ADAM18: variants seen among roughly 807,000 people sequenced by gnomAD.
The protein encoded by ADAM18 is disintegrin and metalloproteinase domain-containing protein 18.
A neutral mutation model predicts 94.4 loss-of-function variants in ADAM18; 117 were observed. That is an observed-to-expected ratio of 1.24 (90% CI 1.07 to 1.45). The LOEUF (loss-of-function observed/expected upper bound fraction) is 1.45, where lower values mean the gene tolerates loss of function less well. ADAM18 is among the 40% of genes most tolerant of loss of function. ADAM18 has a pLI of 0.00. For missense variants in ADAM18, 936 were observed against 880.0 expected (o/e 1.06, Z -0.81); for synonymous variants, 327 against 291.6 (o/e 1.12, Z -1.24).
At chr8:39,726,640 G>C (rs751486850) in intron 19 of ADAM18, among the ~76,000 whole-genome samples, 1 of 152,118 alleles carries the variant, frequency 6.6e-6, no homozygotes, top group Non-Finnish European at 1.5e-5. Flanking sequence ...CAATGGCAAG[G>C]AGCTTTCTCT....
intron 2 of ADAM18, among the ~76,000 whole-genome samples, chr8:39,594,202 T>C (rs749304219): frequency 1.3e-5 from 2 of 152,178 alleles, no homozygotes; most frequent in African/African-American, 4.8e-5. Flanking sequence ...CCTACTGTCA[T>C]CATTTCACCA....
chr8:39,603,456 T>C (rs952195985), intron 2 of ADAM18, among the ~76,000 whole-genome samples: 6 of 152,352 alleles, frequency 3.9e-5, no homozygotes, highest in African/African-American at 1.4e-4. Context: ...GTGCTCGTTT[T>C]GTATCTGTTT....
At chr8:39,584,763 AC>A in intron 1 of ADAM18, 86 bp downstream of exon 1, 1 of 1,470,796 alleles carries the variant, frequency 6.8e-7, no homozygotes, top group South Asian at 1.1e-5. Context: ...TCATTCTGGG[AC>A]CCTCCCCCTC....
At chr8:39,587,782 G>C (rs1309375164) in intron 2 of ADAM18, among the ~76,000 whole-genome samples, 1 of 152,082 alleles carries the variant, frequency 6.6e-6, no homozygotes, top group East Asian at 1.9e-4. Flanking sequence ...TAAGTAAGTG[G>C]AATCATATAG....
intron 17 of ADAM18, among the ~76,000 whole-genome samples, chr8:39,702,041 T>C (rs1822095398): frequency 6.6e-6 from 1 of 152,102 alleles, no homozygotes; most frequent in Non-Finnish European, 1.5e-5. Flanking sequence ...ATTTCTGTCT[T>C]TGGGTCTTTG....
intron 18 of ADAM18, among the ~76,000 whole-genome samples, chr8:39,709,473 C>G (rs189400785): frequency 1.3e-5 from 2 of 152,176 alleles, no homozygotes; most frequent in Non-Finnish European, 1.5e-5. Flanking sequence ...TATTAGTTCT[C>G]ACTTTGGGCT....
intron 11 of ADAM18, among the ~76,000 whole-genome samples, chr8:39,646,728 T>C (rs1462238783): frequency 6.6e-6 from 1 of 152,168 alleles, no homozygotes; most frequent in Non-Finnish European, 1.5e-5. Context: ...CTCCTAGATA[T>C]ACTAGTGGAA....
At chr8:39,605,580 G>C (rs1010782600) in intron 2 of ADAM18, 1 of 159,600 alleles carries the variant, frequency 6.3e-6, no homozygotes, top group South Asian at 1.7e-4. Flanking sequence ...TGTGCCTGCA[G>C]CCATGTCTAA....
chr8:39,592,935 C>T (rs895817256), intron 2 of ADAM18, among the ~76,000 whole-genome samples: 5 of 152,192 alleles, frequency 3.3e-5, no homozygotes, highest in African/African-American at 4.8e-5. Context: ...TTTATCTACA[C>T]TGAAAATCTG....
chr8:39,612,299 G>A (rs1188423761), intron 6 of ADAM18, among the ~76,000 whole-genome samples: 1 of 152,144 alleles, frequency 6.6e-6, no homozygotes, highest in Non-Finnish European at 1.5e-5. Flanking sequence ...TGTGCTGAAT[G>A]GGGAGGAAGC....
Position 39,631,862 on chromosome 8 carries a change from T to C in ADAM18, c.588+2423T>C, listed in dbSNP as rs183515590. On this transcript the variant is annotated intron_variant, in intron 7 of 19. Transcript: ENST00000265707. ...GTTAATTCCTTTCGTCAGTGTTCTA[T>C]GGTGTTCTTGAACATCTTTGTTAGT... 5.4e-4 allele frequency among the ~76,000 whole-genome samples: 82 copies of C among 152,132 alleles called. 1 individual carries two copies. The highest frequency in any genetic ancestry group is 5.3e-3 in the Admixed American group (81 of 15,266).
At chr8:39,704,915 C>T (rs943758757) in intron 17 of ADAM18, among the ~76,000 whole-genome samples, 1 of 151,622 alleles carries the variant, frequency 6.6e-6, no homozygotes, top group Non-Finnish European at 1.5e-5. Context: ...TGTCCTTGTA[C>T]TTTCATTGGA....
At chr8:39,600,342 A>G (rs1362719129) in intron 2 of ADAM18, among the ~76,000 whole-genome samples, 3 of 152,180 alleles carry the variant, frequency 2.0e-5, no homozygotes, top group African/African-American at 7.2e-5. Flanking sequence ...AAACTTGAGA[A>G]GTTGTCTAGA....
At chr8:39,623,390 C>A (rs1411315195) in intron 6 of ADAM18, among the ~76,000 whole-genome samples, 1 of 152,014 alleles carries the variant, frequency 6.6e-6, no homozygotes, top group Non-Finnish European at 1.5e-5. Flanking sequence ...ACTTTTACTT[C>A]TTTGAGAAAT....
At chr8:39,605,674 TA>T (rs1383099923) in intron 2 of ADAM18, 9 of 219,360 alleles carry the variant, frequency 4.1e-5, no homozygotes, top group East Asian at 1.4e-4. Context: ...TAAATATATA[TA>T]TTTTTTTAAA....
At chr8:39,649,112 T>C (rs1169036249) in intron 12 of ADAM18, among the ~76,000 whole-genome samples, 2 of 152,124 alleles carry the variant, frequency 1.3e-5, no homozygotes, top group Non-Finnish European at 2.9e-5. Flanking sequence ...GTTATTATCT[T>C]ATAATATTTA....
intron 6 of ADAM18, among the ~76,000 whole-genome samples, chr8:39,617,242 A>G (rs1447545983): frequency 1.3e-5 from 2 of 152,230 alleles, no homozygotes; most frequent in Non-Finnish European, 2.9e-5. Context: ...CATATGAAAA[A>G]ATGCTCATCA....
chr8:39,694,236 A>T (rs1207089430), intron 17 of ADAM18, among the ~76,000 whole-genome samples: 3 of 151,312 alleles, frequency 2.0e-5, no homozygotes, highest in Non-Finnish European at 3.0e-5. Flanking sequence ...AATATTTTTT[A>T]TTATAATTTT....
intron 6 of ADAM18, among the ~76,000 whole-genome samples, chr8:39,621,880 A>T (rs1040943889): frequency 6.6e-6 from 1 of 152,220 alleles, no homozygotes; most frequent in Admixed American, 6.5e-5. Context: ...TGATGAGAAC[A>T]CATGGACACA....
Sources: allele counts gnomAD v4.1 joint callset (sites outside exome capture counted in the v4.1 genomes callset), GRCh38; gene constraint gnomAD v4.1.1; transcripts MANE v1.5; gene names NCBI Gene and HGNC (gene_info 2026-07-23, HGNC 2026-07-21).